ITGBL1: variants seen among roughly 807,000 people sequenced by gnomAD.
The protein encoded by ITGBL1 is integrin beta-like protein 1.
A neutral mutation model predicts 68.5 loss-of-function variants in ITGBL1; 51 were observed. The ratio of observed to expected loss-of-function variants is 0.74; its 90% CI spans 0.59 to 0.94. ITGBL1 has a LOEUF of 0.94. ITGBL1 is among the 40% of genes least tolerant of loss of function. The pLI, the probability that ITGBL1 is intolerant of heterozygous loss-of-function variation, is 0.00. For missense variants in ITGBL1, 649 were observed against 647.4 expected, an observed-to-expected ratio of 1.00 and a Z score of -0.03; for synonymous variants, 209 against 227.3, an observed-to-expected ratio of 0.92 and a Z score of 0.72.
At position 101,706,221 on chromosome 13, in the gene ITGBL1, TAGAG is replaced by T. The variant is rs1183341249; in HGVS notation, c.1133-531_1133-528del. On this transcript the variant is annotated intron_variant, in intron 8 of 10. Transcript: ENST00000376180. ...GCTAATGTTAATTTTTATGCAATAA[TAGAG>T]AGACACCATTACTTCCACTTGTATC... Among the ~76,000 whole-genome samples the T allele has an allele frequency of 4.6e-5, 7 of 152,336 alleles. No individual in the cohort carries two copies. The South Asian group carries it at 1.2e-3, about 27-fold the overall frequency.
intron 2 of ITGBL1, among the ~76,000 whole-genome samples, chr13:101,543,260 CAAA>C (rs2049746390): frequency 6.6e-6 from 1 of 152,106 alleles, no homozygotes; most frequent in African/African-American, 2.4e-5. Flanking sequence ...CTGGTGGTGA[CAAA>C]ATCTCTCAGC....
intron 2 of ITGBL1, among the ~76,000 whole-genome samples, chr13:101,540,309 A>T (rs957016278): frequency 2.6e-4 from 39 of 152,210 alleles, no homozygotes; most frequent in Admixed American, 2.2e-3. Context: ...TTAAATAGGG[A>T]ATCTTTTCCC....
At chr13:101,464,866 C>T (rs560313697) in intron 2 of ITGBL1, among the ~76,000 whole-genome samples, 71 of 152,104 alleles carry the variant, frequency 4.7e-4, no homozygotes, top group Non-Finnish European at 6.5e-4. Flanking sequence ...ACCTGCAGAT[C>T]GAAGTCAAGT....
intron 2 of ITGBL1, among the ~76,000 whole-genome samples, chr13:101,553,523 G>C (rs540739165): frequency 2.7e-4 from 41 of 152,248 alleles, no homozygotes; most frequent in Admixed American, 2.2e-3. Flanking sequence ...GTTTGCAAGG[G>C]TTACTATAAC....
At chr13:101,555,004 A>C (rs780879617) in intron 2 of ITGBL1, among the ~76,000 whole-genome samples, 1 of 152,200 alleles carries the variant, frequency 6.6e-6, no homozygotes, top group African/African-American at 2.4e-5. Context: ...GAAATCCCAA[A>C]ACAACATCAT....
chr13:101,563,521 T>TC lies in ITGBL1; in HGVS notation c.317-4177dup, dbSNP rs2050133605. 1.3e-5 allele frequency among the ~76,000 whole-genome samples: 2 copies of TC among 151,864 alleles called. 1 individual carries two copies. The highest frequency in any genetic ancestry group is 4.1e-4 in the South Asian group (2 of 4,830). ...ATAGTAAGCTTATGATATAAGCAAG[T>TC]CTATGCCTGTTAAGTTCAGGAATTT... On this transcript the variant is annotated intron_variant, in intron 2 of 10. Coordinates refer to ENST00000376180, the MANE Select transcript of ITGBL1 (RefSeq NM_004791.3).
chr13:101,614,033 A>G (rs941888783), intron 7 of ITGBL1, among the ~76,000 whole-genome samples: 1 of 139,118 alleles, frequency 7.2e-6, no homozygotes, highest in Non-Finnish European at 1.6e-5. Flanking sequence ...GATAGGAGGG[A>G]AAGGAATGAG....
intron 9 of ITGBL1, chr13:101,711,878 A>G (rs997368774): frequency 5.3e-5 from 8 of 152,208 alleles, no homozygotes; most frequent in African/African-American, 1.9e-4. Flanking sequence ...ATCTGCCCTA[A>G]AACTCCTGCC....
chr13:101,512,231 C>T (rs1454506100), intron 2 of ITGBL1, among the ~76,000 whole-genome samples: 1 of 151,864 alleles, frequency 6.6e-6, no homozygotes, highest in Non-Finnish European at 1.5e-5. Context: ...TCTACTTTGC[C>T]TTTGCTGGGT....
chr13:101,599,138 T>C (rs1425599552), intron 7 of ITGBL1, among the ~76,000 whole-genome samples: 3 of 152,086 alleles, frequency 2.0e-5, no homozygotes, highest in African/African-American at 7.2e-5. Context: ...CTAACTGGTG[T>C]GAGATGGTAT....
At chr13:101,613,508 G>C (rs1443438917) in intron 7 of ITGBL1, among the ~76,000 whole-genome samples, 1 of 152,124 alleles carries the variant, frequency 6.6e-6, no homozygotes, top group Non-Finnish European at 1.5e-5. Context: ...ATGAAGTCTG[G>C]GGGCTGCTGT....
chr13:101,703,920 A>T (rs1319105826), intron 8 of ITGBL1, among the ~76,000 whole-genome samples: 1 of 152,174 alleles, frequency 6.6e-6, no homozygotes, highest in Non-Finnish European at 1.5e-5. Context: ...ATCTGGTGAA[A>T]CTAATCTAAA....
At chr13:101,616,778 G>C (rs958056870) in intron 7 of ITGBL1, among the ~76,000 whole-genome samples, 1 of 152,062 alleles carries the variant, frequency 6.6e-6, no homozygotes, top group African/African-American at 2.4e-5. Context: ...GGTGTGAGCC[G>C]CTGCAGGCAG....
At chr13:101,670,561 CTAGT>C (rs1238574351) in intron 7 of ITGBL1, among the ~76,000 whole-genome samples, 9 of 152,286 alleles carry the variant, frequency 5.9e-5, no homozygotes, top group African/African-American at 2.2e-4. Context: ...TTCTGTCACT[CTAGT>C]TAAGTGAATA....
intron 7 of ITGBL1, among the ~76,000 whole-genome samples, chr13:101,649,281 C>T (rs1256492309): frequency 6.6e-6 from 1 of 152,072 alleles, no homozygotes; most frequent in African/African-American, 2.4e-5. Context: ...ATTCAAAACA[C>T]AAGGGATGTG....
At chr13:101,661,166 C>A (rs1186274283) in intron 7 of ITGBL1, among the ~76,000 whole-genome samples, 1 of 151,604 alleles carries the variant, frequency 6.6e-6, no homozygotes, top group African/African-American at 2.4e-5. Flanking sequence ...TGGACAATAT[C>A]CAGTCTAAAG....
At chr13:101,539,446 T>A (rs1594875529) in intron 2 of ITGBL1, among the ~76,000 whole-genome samples, 2 of 152,270 alleles carry the variant, frequency 1.3e-5, no homozygotes, top group East Asian at 1.9e-4. Flanking sequence ...TAATTCAGTC[T>A]ATAATTGTTG....
rs536778002 is a variant in ITGBL1 at position 101,632,102 on chromosome 13, AAAAG to A, written c.1015+33808_1015+33811del. On this transcript the variant is annotated intron_variant, in intron 7 of 10. Transcript: ENST00000376180. ...TCAAAACACACTCTTAGGAGAATGAAAAAGAAAGTCACACATGGATAAAATATTC... is the reference window on the plus strand; with the variant it reads ...TCAAAACACACTCTTAGGAGAATGAAAAAGTCACACATGGATAAAATATTC... Among the ~76,000 whole-genome samples, 44 of 152,138 alleles carry A rather than the reference AAAAG, an allele frequency of 2.9e-4. No individual in the cohort carries two copies. The East Asian group carries it at 7.5e-3, about 26-fold the overall frequency.
chr13:101,478,463 G>A (rs570410302), intron 2 of ITGBL1, among the ~76,000 whole-genome samples: 19 of 152,158 alleles, frequency 1.2e-4, no homozygotes, highest in Middle Eastern at 3.4e-3. Context: ...ATTCAACACA[G>A]TACTGGAAGT....
Sources: gnomAD v4.1 joint callset for allele counts (sites outside exome capture counted in the v4.1 genomes callset) on GRCh38, gnomAD v4.1.1 for gene constraint, MANE v1.5 for transcripts, NCBI Gene and HGNC (gene_info 2026-07-23, HGNC 2026-07-21) for gene names.